FSTL4: variants seen among roughly 807,000 people sequenced by gnomAD.
FSTL4 encodes the protein follistatin like 4.
FSTL4 carries 28 observed loss-of-function variants against 78.2 expected under a neutral mutation model. The observed-to-expected ratio is 0.36, with a 90% CI of 0.27 to 0.49. The LOEUF (loss-of-function observed/expected upper bound fraction) is 0.49, where lower values mean the gene tolerates loss of function less well. Among genes scored for constraint, FSTL4 ranks in the 20% least tolerant of loss-of-function variants. The probability of loss-of-function intolerance (pLI) is 0.98; values close to 1 mark genes in which losing one functional copy is unlikely to be tolerated. For missense variants in FSTL4, 922 were observed against 1,084.9 expected (o/e 0.85, Z 2.11); for synonymous variants, 422 against 440.5 (o/e 0.96, Z 0.53).
At chr5:133,350,411 G>A (rs1041372878) in intron 4 of FSTL4, among the ~76,000 whole-genome samples, 5 of 152,218 alleles carry the variant, frequency 3.3e-5, no homozygotes, top group South Asian at 2.1e-4. Context: ...GCTGTTGCAC[G>A]AAGGGCCCAC....
chr5:133,824,955 AAT>A, the FSTL4 span, among the ~76,000 whole-genome samples: 1 of 152,074 alleles, frequency 6.6e-6, no homozygotes, highest in African/African-American at 2.4e-5. Context: ...TGTGTGTAAA[AAT>A]AGAGAGGGCA....
intron 3 of FSTL4, among the ~76,000 whole-genome samples, chr5:133,434,847 T>C (rs1385108120): frequency 6.6e-6 from 1 of 152,190 alleles, no homozygotes; most frequent in Non-Finnish European, 1.5e-5. Flanking sequence ...TTTGCCTTAT[T>C]TTGATTATTA....
intron 6 of FSTL4, among the ~76,000 whole-genome samples, chr5:133,305,992 C>T (rs554933653): frequency 6.6e-6 from 1 of 152,362 alleles, no homozygotes; most frequent in South Asian, 2.1e-4. Flanking sequence ...GGCCTTCCCA[C>T]GGTGGTCTTC....
chr5:133,423,664 G>C (rs956694455), intron 3 of FSTL4, among the ~76,000 whole-genome samples: 1 of 152,210 alleles, frequency 6.6e-6, no homozygotes, highest in Non-Finnish European at 1.5e-5. Context: ...GGTGACGGCA[G>C]GGATGGTGGT....
chr5:133,764,800 A>G, the FSTL4 span, among the ~76,000 whole-genome samples: 1 of 152,238 alleles, frequency 6.6e-6, no homozygotes, highest in East Asian at 1.9e-4. Context: ...CCGAATCTTC[A>G]GATCTTGACT....
chr5:133,337,620 T>C (rs1223999875), intron 4 of FSTL4, among the ~76,000 whole-genome samples: 1 of 152,236 alleles, frequency 6.6e-6, no homozygotes, highest in Non-Finnish European at 1.5e-5. Flanking sequence ...GCTTGAAAGC[T>C]GGGCTGCCAA....
At chr5:133,805,940 C>T in the FSTL4 span, among the ~76,000 whole-genome samples, 1 of 152,134 alleles carries the variant, frequency 6.6e-6, no homozygotes, top group Admixed American at 6.5e-5. Flanking sequence ...TGGGGCCAGA[C>T]CCCCCAACCC....
At chr5:133,808,923 G>T in the FSTL4 span, among the ~76,000 whole-genome samples, 1 of 115,230 alleles carries the variant, frequency 8.7e-6, no homozygotes, top group Admixed American at 1.2e-4. Context: ...AATAGAAAAA[G>T]GAATTCAGTG....
chr5:133,477,344 T>C (rs994672749), intron 3 of FSTL4, among the ~76,000 whole-genome samples: 5 of 152,240 alleles, frequency 3.3e-5, no homozygotes, highest in Non-Finnish European at 5.9e-5. Context: ...TTCTCTCTCA[T>C]TTGCTCTACT....
intron 6 of FSTL4, among the ~76,000 whole-genome samples, chr5:133,305,625 C>G (rs1441865908): frequency 6.6e-6 from 1 of 152,216 alleles, no homozygotes; most frequent in Admixed American, 6.5e-5. Flanking sequence ...CCTCTCTACC[C>G]AGGTGGCAAG....
chr5:133,199,605 G>A lies in FSTL4; in HGVS notation c.2019C>T (p.Leu673=), dbSNP rs1336134271. ...DSPASAARQL[L]VDSVTDSVLG... ...GCACAGAGTCTGTGACACTGTCAAC[G>A]AGCAGCTGTCGGGCAGCAGAGGCGG... Residue 673 remains leucine (L), a synonymous_variant, in exon 16 of 16, where the codon CTC becomes CTT. Coordinates refer to ENST00000265342, the MANE Select transcript of FSTL4 (RefSeq NM_015082.2). The surrounding 1 kb of genome is among the most constrained non-coding windows in gnomAD (Gnocchi z 4.4). 5.0e-6 allele frequency: 8 copies of A among 1,614,050 alleles called. No individual in the cohort carries two copies. In the African/African-American group the frequency reaches 5.3e-5, roughly 11 times the overall value.
At chr5:133,266,522 G>A (rs184396440) in intron 6 of FSTL4, 5 of 152,456 alleles carry the variant, frequency 3.3e-5, no homozygotes, top group South Asian at 2.1e-4. Context: ...ACATGGGCTC[G>A]GAAAGAAGGT....
chr5:133,468,766 G>T (rs1260346547), intron 3 of FSTL4, among the ~76,000 whole-genome samples: 1 of 152,206 alleles, frequency 6.6e-6, no homozygotes, highest in Non-Finnish European at 1.5e-5. Context: ...CTTCTGACAG[G>T]CAGGCCAGCT....
the FSTL4 span, among the ~76,000 whole-genome samples, chr5:133,738,197 G>T: frequency 6.6e-6 from 1 of 152,114 alleles, no homozygotes; most frequent in Non-Finnish European, 1.5e-5. Flanking sequence ...TTCACAATAT[G>T]CAGTCCCAGA....
chr5:133,394,616 C>T lies in FSTL4; in HGVS notation c.409+6122G>A, dbSNP rs1004422712. On this transcript the variant is annotated intron_variant, in intron 4 of 15. Transcript: ENST00000265342. ...AGGGCAGGGCTTAGGACCTGCAGCCCGCCATGCCTGAGCCTCCCCACCACT... is the reference window on the plus strand; with the variant it reads ...AGGGCAGGGCTTAGGACCTGCAGCCTGCCATGCCTGAGCCTCCCCACCACT... Among the ~76,000 whole-genome samples the T allele has an allele frequency of 5.9e-5, 9 of 152,354 alleles. No individual in the cohort carries two copies. The South Asian group carries it at 1.4e-3, about 25-fold the overall frequency.
the FSTL4 span, among the ~76,000 whole-genome samples, chr5:133,745,200 C>T: frequency 3.3e-5 from 5 of 152,250 alleles, no homozygotes; most frequent in Admixed American, 2.6e-4. Flanking sequence ...CTCCTCAGCA[C>T]AGGCAAAGCC....
the FSTL4 span, among the ~76,000 whole-genome samples, chr5:133,833,538 G>A: frequency 2.0e-5 from 3 of 152,146 alleles, no homozygotes; most frequent in Non-Finnish European, 4.4e-5. Flanking sequence ...CTTCTCAAGG[G>A]TATTTACATT....
chr5:133,705,540 C>G, the FSTL4 span, among the ~76,000 whole-genome samples: 1 of 152,052 alleles, frequency 6.6e-6, no homozygotes, highest in Non-Finnish European at 1.5e-5. Context: ...CTCAGTTGGG[C>G]CATAAATCCT....
chr5:133,700,206 C>T, the FSTL4 span, among the ~76,000 whole-genome samples: 5 of 150,402 alleles, frequency 3.3e-5, no homozygotes, highest in Non-Finnish European at 7.4e-5. Context: ...CACACCAAAC[C>T]ATCACACAAA....
Sources: gnomAD v4.1 joint callset for allele counts (sites outside exome capture counted in the v4.1 genomes callset) on GRCh38, gnomAD v4.1.1 for gene constraint, Gnocchi (gnomAD v3.1) non-coding constraint, MANE v1.5 for transcripts, NCBI Gene and HGNC (gene_info 2026-07-23, HGNC 2026-07-21) for gene names.